KCNQ1: variants seen among roughly 807,000 people sequenced by gnomAD.
KCNQ1 encodes potassium voltage-gated channel subfamily KQT member 1.
In KCNQ1, 49 loss-of-function variants were observed where a neutral mutation model predicts 72.4. That is an observed-to-expected ratio of 0.68 (90% CI 0.54 to 0.86). The LOEUF is 0.86. Among genes scored for constraint, KCNQ1 ranks in the 40% least tolerant of loss-of-function variants. The pLI, the probability that KCNQ1 is intolerant of heterozygous loss-of-function variation, is 0.00. For synonymous variants in KCNQ1, 450 were observed against 412.6 expected, an observed-to-expected ratio of 1.09 and a Z score of -1.10; for missense variants, 790 against 945.1, an observed-to-expected ratio of 0.84 and a Z score of 2.15.
intron 10 of KCNQ1, chr11:2,619,109 T>C (rs536877698): frequency 2.5e-6 from 1 of 398,540 alleles, no homozygotes; most frequent in East Asian, 3.6e-5. Context: ...TGTAGGATCA[T>C]GTCATCTTCA....
chr11:2,499,392 C>A (rs1846971929), intron 1 of KCNQ1, among the ~76,000 whole-genome samples: 1 of 151,836 alleles, frequency 6.6e-6, no homozygotes, highest in African/African-American at 2.4e-5. Flanking sequence ...AGGGAAGTAA[C>A]AAAGGAAGAG....
At position 2,454,982 on chromosome 11, in the gene KCNQ1, TC is replaced by T. The variant is rs1035512289; in HGVS notation, c.386+9501del. 9.3e-4 allele frequency among the ~76,000 whole-genome samples: 142 copies of T among 152,110 alleles called. 1 individual carries two copies. The highest frequency in any genetic ancestry group is 3.4e-3 in the African/African-American group (140 of 41,500). On this transcript the variant is annotated intron_variant, in intron 1 of 15. Coordinates refer to ENST00000155840, the MANE Select transcript of KCNQ1 (RefSeq NM_000218.3). ...TAGGAAAAGAGGAACTCAAATCATC[TC>T]CCTTCACCGATGATGATAAGATTCT...
chr11:2,638,532 G>C (rs1305502763), intron 10 of KCNQ1: 1 of 152,174 alleles, frequency 6.6e-6, no homozygotes, highest in Non-Finnish European at 1.5e-5. Flanking sequence ...TAGAGTTTCT[G>C]CTGAGAGATC....
Position 2,620,387 on chromosome 11 carries a change from T to C in KCNQ1, c.1393+31533T>C, listed in dbSNP as rs577994231. The C allele has an allele frequency of 3.8e-4, 82 of 213,232 alleles. No homozygotes were observed. Among genetic ancestry groups the C allele is most frequent in the African/African-American group, 1.8e-3 (80 of 43,722 alleles). 13.2% of individuals were successfully genotyped at this position (213,232 alleles called of 1,614,324 possible). On this transcript the variant is annotated intron_variant, in intron 10 of 15. Transcript: ENST00000155840. This position sits in a 1 kb window ranked among gnomAD's most constrained non-coding sequence, Gnocchi z 4.5. ...ATGCGCCACCACGTCCAGCTAATTT[T>C]GTAGTTTTAGTAGAGACAGGGTTTT...
intron 10 of KCNQ1, chr11:2,640,785 C>T: frequency 7.5e-6 from 3 of 398,480 alleles, no homozygotes; most frequent in East Asian, 7.1e-5. Context: ...TTTATTCTAA[C>T]TAGCTGTGTA....
rs1331015644 is a variant in KCNQ1 at position 2,817,125 on chromosome 11, T to C, written c.1795-30642T>C. Among the ~76,000 whole-genome samples, 2 of 152,246 alleles carry C rather than the reference T, an allele frequency of 1.3e-5. No individual in the cohort carries two copies. Among genetic ancestry groups the C allele is most frequent in the South Asian group, 4.1e-4 (2 of 4,822 alleles). ...ATGACCCAGGCCTGTGGCGCCAGCC[T>C]GCACCCGGCTCTGCTCCACAGGCCA... On this transcript the variant is annotated intron_variant, in intron 15 of 15. Coordinates refer to ENST00000155840, the MANE Select transcript of KCNQ1 (RefSeq NM_000218.3). The surrounding 1 kb of genome is among the most constrained non-coding windows in gnomAD (Gnocchi z 6.1).
chr11:2,459,207 A>T (rs1225405351), intron 1 of KCNQ1, among the ~76,000 whole-genome samples: 1 of 152,218 alleles, frequency 6.6e-6, no homozygotes, highest in African/African-American at 2.4e-5. Context: ...TGGTGGGGAC[A>T]CTGTGGTCTG....
At chr11:2,633,104 C>G in intron 10 of KCNQ1, 2 of 398,424 alleles carry the variant, frequency 5.0e-6, no homozygotes. Flanking sequence ...TGAAAACAGC[C>G]ATTCTAACTG....
intron 2 of KCNQ1, among the ~76,000 whole-genome samples, chr11:2,557,367 T>A (rs1167032808): frequency 6.6e-6 from 1 of 152,136 alleles, no homozygotes; most frequent in Non-Finnish European, 1.5e-5. Flanking sequence ...ATGTACCTCT[T>A]TTGGAATAGG....
At chr11:2,789,105 G>A (rs1006786938) in intron 15 of KCNQ1, among the ~76,000 whole-genome samples, 1 of 152,136 alleles carries the variant, frequency 6.6e-6, no homozygotes, top group Non-Finnish European at 1.5e-5. Context: ...AGGCTCAGCA[G>A]GCACCTCTGA....
chr11:2,779,741 T>C (rs892549235), intron 15 of KCNQ1, among the ~76,000 whole-genome samples: 3 of 152,180 alleles, frequency 2.0e-5, no homozygotes, highest in Non-Finnish European at 4.4e-5. Flanking sequence ...CAATGGCCCC[T>C]TCCTGACGTG....
At chr11:2,699,814 CGAT>C in intron 11 of KCNQ1, 1 of 397,222 alleles carries the variant, frequency 2.5e-6, no homozygotes, top group South Asian at 1.3e-4. Flanking sequence ...GGGAGAACCA[CGAT>C]GACTGACGCA....
intron 10 of KCNQ1, chr11:2,630,478 T>C (rs1357710639): frequency 7.5e-6 from 3 of 398,398 alleles, no homozygotes; most frequent in Non-Finnish European, 4.4e-6. Flanking sequence ...TTTGATCTTA[T>C]ACTTCCCCCG....
intron 11 of KCNQ1, among the ~76,000 whole-genome samples, chr11:2,739,190 C>T (rs188489132): frequency 5.9e-5 from 9 of 152,300 alleles, no homozygotes; most frequent in Non-Finnish European, 7.4e-5. Context: ...GGGCCAGGGT[C>T]GCAGCAGGGC....
intron 11 of KCNQ1, among the ~76,000 whole-genome samples, chr11:2,700,637 G>A (rs916827222): frequency 3.3e-5 from 5 of 152,090 alleles, no homozygotes; most frequent in Non-Finnish European, 5.9e-5. Context: ...CGTGTCTGCC[G>A]CTCACCCCTG....
In KCNQ1 at chr11:2,572,964, C is replaced by A. The variant is rs1001293702; in HGVS notation, c.899C>A (p.Ala300Glu). The A allele has an allele frequency of 1.9e-6, 3 of 1,613,702 alleles. No homozygotes were observed. The highest frequency in any genetic ancestry group is 2.2e-5 in the East Asian group (1 of 44,878). ...GGCCGCGTGGAGTTCGGCAGCTACG[C>A]AGATGCGCTGTGGTGGGGGGTGGTA... ...ESGRVEFGSY[A>E]DALWWGVVTV... Residue 300 changes from alanine to glutamate, a missense_variant, in exon 6 of 16, where the codon GCA becomes GAA. Ala to Glu is a moderately radical substitution (Grantham distance 107). Coordinates refer to ENST00000155840, the MANE Select transcript of KCNQ1 (RefSeq NM_000218.3).
At chr11:2,525,041 G>A (rs764184917) in intron 1 of KCNQ1, among the ~76,000 whole-genome samples, 55 of 152,332 alleles carry the variant, frequency 3.6e-4, no homozygotes, top group East Asian at 1.9e-4. Flanking sequence ...CAGTCATGGC[G>A]GAGGGAGCCC....
In KCNQ1 at chr11:2,497,485, A is replaced by G. The variant is rs532431678; in HGVS notation, c.387-30443A>G. On this transcript the variant is annotated intron_variant, in intron 1 of 15. Transcript: ENST00000155840. The surrounding 1 kb of genome is among the most constrained non-coding windows in gnomAD (Gnocchi z 4.5). ...CTATTGATACTTGTGTATGCATCAC[A>G]AAGTTCTCATGCTGTGTTTTTCAGC... Among the ~76,000 whole-genome samples, 361 of 152,212 alleles carry G rather than the reference A, an allele frequency of 2.4e-3. No homozygotes were observed. The highest frequency in any genetic ancestry group is 7.9e-3 in the African/African-American group (330 of 41,534).
rs578168565 is a variant in KCNQ1, at chr11:2,671,148, A to T, written c.1514+9067A>T. On this transcript the variant is annotated intron_variant, in intron 11 of 15. Transcript: ENST00000155840. The surrounding 1 kb of genome is among the most constrained non-coding windows in gnomAD (Gnocchi z 4.7). ...CCTGGTTGGTCCCATGGGAGGCCTG[A>T]GGTGCCATCTTAGAAATAGGGCCTT... 1 of 398,648 alleles carries T rather than the reference A, an allele frequency of 2.5e-6. No homozygotes were observed. The highest frequency in any genetic ancestry group is 2.1e-5 in the African/African-American group (1 of 48,732). 24.7% of individuals were successfully genotyped at this position (398,648 alleles called of 1,614,324 possible). A position where few individuals can be genotyped will look rare whatever the true frequency, so the allele number is the denominator to read the frequency against.
Sources: gnomAD v4.1 joint callset for allele counts (sites outside exome capture counted in the v4.1 genomes callset) on GRCh38, gnomAD v4.1.1 for gene constraint, Gnocchi (gnomAD v3.1) non-coding constraint, MANE v1.5 for transcripts, NCBI Gene and HGNC (gene_info 2026-07-23, HGNC 2026-07-21) for gene names.